LPAR3: variants seen among roughly 807,000 people sequenced by gnomAD.
LPAR3 encodes the protein lysophosphatidic acid receptor 3.
Under a neutral mutation model 17.8 loss-of-function variants are expected in LPAR3, and 7 were observed. That is an observed-to-expected ratio of 0.39 (90% CI 0.22 to 0.74). The LOEUF is 0.74. Ranked by LOEUF, LPAR3 falls within the 30% of genes least tolerant of loss-of-function variation. LPAR3 has a pLI of 0.40. For synonymous variants in LPAR3, 179 were observed against 179.9 expected, an observed-to-expected ratio of 0.99 and a Z score of 0.04; for missense variants, 391 against 453.4, an observed-to-expected ratio of 0.86 and a Z score of 1.25.
In LPAR3 at chr1:84,814,179, G is replaced by A. The variant is rs1658886840; in HGVS notation, c.737-8C>T. On this transcript the variant is annotated splice_region_variant and splice_polypyrimidine_tract_variant and intron_variant, in intron 2 of 2. Coordinates refer to ENST00000370611, the MANE Select transcript of LPAR3 (RefSeq NM_012152.3). ...AGCATACCACAAACGCCCCTGCAAG[G>A]AGAGAAGAGGAGGCAACAGATGCTC... is the stretch of plus-strand genomic sequence containing the variant. The A allele has an allele frequency of 5.6e-6, 9 of 1,610,366 alleles. No homozygotes were observed. The highest frequency in any genetic ancestry group is 7.6e-6 in the Non-Finnish European group (9 of 1,177,792).
At chr1:84,873,180 A>G (rs1392805233) in intron 1 of LPAR3, among the ~76,000 whole-genome samples, 2 of 152,196 alleles carry the variant, frequency 1.3e-5, no homozygotes, top group Non-Finnish European at 2.9e-5. Context: ...TAGGGGTAAG[A>G]ACTAAGGAAA....
At chr1:84,890,178 C>G (rs1660527166) in intron 1 of LPAR3, among the ~76,000 whole-genome samples, 1 of 152,124 alleles carries the variant, frequency 6.6e-6, no homozygotes, top group Admixed American at 6.5e-5. Flanking sequence ...AAAGGATCAT[C>G]AAGGCCGGAA....
Position 84,865,386 on chromosome 1 carries a change from T to C in LPAR3, c.735A>G (p.Leu245=), listed in dbSNP as rs1660020228. The C allele has an allele frequency of 1.2e-6, 2 of 1,609,088 alleles. No individual in the cohort carries two copies. Residue 245 remains leucine, a splice_region_variant and synonymous_variant, in exon 2 of 3, where the codon TTA becomes TTG. Coordinates refer to ENST00000370611, the MANE Select transcript of LPAR3 (RefSeq NM_012152.3). The part of the protein sequence containing the change: ...MKLMKTVMTV[L]GAFVVCWTPG... ...GCTTGCTTGGGTCCTCTTACCTACC[T>C]AAGACAGTCATCACCGTCTTCATTA...
intron 1 of LPAR3, among the ~76,000 whole-genome samples, chr1:84,877,589 T>G (rs1174700844): frequency 6.6e-6 from 1 of 152,190 alleles, no homozygotes; most frequent in African/African-American, 2.4e-5. Flanking sequence ...AATACAAATA[T>G]GCTTGGGGAA....
intron 2 of LPAR3, among the ~76,000 whole-genome samples, chr1:84,843,091 TCAATCAAGC>T (rs1216814178): frequency 6.6e-6 from 1 of 152,178 alleles, no homozygotes; most frequent in East Asian, 1.9e-4. Flanking sequence ...TGCTTAAAAG[TCAATCAAGC>T]CTGGGGTGGG....
At chr1:84,831,392 G>C (rs1659280094) in intron 2 of LPAR3, among the ~76,000 whole-genome samples, 1 of 152,156 alleles carries the variant, frequency 6.6e-6, no homozygotes, top group Non-Finnish European at 1.5e-5. Context: ...GGAGTTTGAA[G>C]CTGTAAGGAG....
At chr1:84,817,808 A>AAG in intron 2 of LPAR3, among the ~76,000 whole-genome samples, 1 of 151,958 alleles carries the variant, frequency 6.6e-6, no homozygotes, top group East Asian at 1.9e-4. Context: ...TGGCCAAAAA[A>AAG]AAAAAAAAAT....
chr1:84,866,016 A>G lies in LPAR3; in HGVS notation c.105T>C (p.Cys35=), dbSNP rs1162004459. 2.5e-6 allele frequency: 4 copies of G among 1,614,124 alleles called. No homozygotes were observed. In the African/African-American group the frequency reaches 4.0e-5, roughly 16 times the overall value. ...TAAACAGGCAGAAAAACGTCCCAAC[A>G]CACAAAACAATCACAAGCTTTGTTC... ...WTGTKLVIVL[C]VGTFFCLFIF... The change falls in exon 2 of 3, where the codon TGT becomes TGC. Residue 35 remains cysteine, a synonymous_variant. Coordinates refer to ENST00000370611, the MANE Select transcript of LPAR3 (RefSeq NM_012152.3).
At position 84,813,551 on chromosome 1, in the gene LPAR3, G is replaced by A. The variant is rs1003931030; in HGVS notation, c.*295C>T. The stretch of plus-strand genomic sequence containing the variant: ...TTTAAAATACAAAGAGAATGGCTAC[G>A]AAATGGTGCCAGAACCCAGAAGGCC... On this transcript the variant is annotated 3_prime_UTR_variant, in exon 3 of 3. Transcript: ENST00000370611. 1.9e-5 allele frequency: 6 copies of A among 310,240 alleles called. No homozygotes were observed. Among genetic ancestry groups the A allele is most frequent in the African/African-American group, 8.3e-5 (4 of 48,182 alleles). The allele number at this position is 310,240 out of a possible 1,614,324, so 19.2% of individuals were successfully genotyped here.
At chr1:84,847,821 G>A (rs1659620466) in intron 2 of LPAR3, among the ~76,000 whole-genome samples, 1 of 152,190 alleles carries the variant, frequency 6.6e-6, no homozygotes, top group Non-Finnish European at 1.5e-5. Context: ...CTGCTGCCAG[G>A]TTTCCCTGAC....
intron 1 of LPAR3, among the ~76,000 whole-genome samples, chr1:84,870,672 C>T (rs958263506): frequency 2.0e-5 from 3 of 152,062 alleles, no homozygotes; most frequent in Non-Finnish European, 4.4e-5. Context: ...TGGTATCCTC[C>T]CAACAATGAT....
At chr1:84,888,175 C>T (rs1054730658) in intron 1 of LPAR3, among the ~76,000 whole-genome samples, 1 of 90,558 alleles carries the variant, frequency 1.1e-5, no homozygotes, top group African/African-American at 4.4e-5. Flanking sequence ...CACACACACA[C>T]ACACAGAGAG....
chr1:84,874,575 A>T (rs1011388645), intron 1 of LPAR3, among the ~76,000 whole-genome samples: 7 of 152,222 alleles, frequency 4.6e-5, no homozygotes, highest in African/African-American at 1.7e-4. Context: ...TGAACTAAAT[A>T]AAAGAGGTGA....
intron 2 of LPAR3, among the ~76,000 whole-genome samples, chr1:84,814,814 T>A (rs1208118155): frequency 6.6e-6 from 1 of 152,216 alleles, no homozygotes; most frequent in Non-Finnish European, 1.5e-5. Flanking sequence ...CTGCTCTACA[T>A]TTAGATTTTT....
chr1:84,847,613 G>A (rs1659616513), intron 2 of LPAR3, among the ~76,000 whole-genome samples: 1 of 152,184 alleles, frequency 6.6e-6, no homozygotes, highest in South Asian at 2.1e-4. Flanking sequence ...CCTGCTGATT[G>A]GGACCTGGGT....
At chr1:84,857,925 C>T (rs566013685) in intron 2 of LPAR3, among the ~76,000 whole-genome samples, 1 of 152,254 alleles carries the variant, frequency 6.6e-6, no homozygotes, top group South Asian at 2.1e-4. Flanking sequence ...ACCATGTATA[C>T]CCCACAATGA....
At chr1:84,864,110 G>A (rs1003905028) in intron 2 of LPAR3, among the ~76,000 whole-genome samples, 4 of 152,020 alleles carry the variant, frequency 2.6e-5, no homozygotes, top group Non-Finnish European at 5.9e-5. Flanking sequence ...TACTTGGGAG[G>A]CTGAGGTAGA....
chr1:84,814,146 C>G lies in LPAR3; in HGVS notation c.762G>C (p.Pro254=). 6.2e-7 allele frequency: 1 copy of G among 1,613,988 alleles called. No homozygotes were observed. The highest frequency in any genetic ancestry group is 1.1e-5 in the South Asian group (1 of 91,064). ...VLGAFVVCWT[P]GLVVLLLDGL... Reference sequence around the variant, plus strand: ...CGTCGAGGAGCAGAACCACCAGGCCCGGGGTCCAGCATACCACAAACGCCC... The same window carrying G: ...CGTCGAGGAGCAGAACCACCAGGCCGGGGGTCCAGCATACCACAAACGCCC... Residue 254 remains proline (P), a synonymous_variant, in exon 3 of 3, where the codon CCG becomes CCC. Transcript: ENST00000370611.
chr1:84,890,836 C>T (rs1660540037), intron 1 of LPAR3, among the ~76,000 whole-genome samples: 1 of 152,224 alleles, frequency 6.6e-6, no homozygotes, highest in African/African-American at 2.4e-5. Flanking sequence ...CACTGCTGCT[C>T]CTCAGCAGCA....
Sources: allele counts gnomAD v4.1 joint callset (sites outside exome capture counted in the v4.1 genomes callset), GRCh38; gene constraint gnomAD v4.1.1; transcripts MANE v1.5; gene names NCBI Gene and HGNC (gene_info 2026-07-23, HGNC 2026-07-21).